The following USP48 variants were observed in gnomAD, a reference collection of about 807,000 sequenced individuals.
USP48 encodes ubiquitin carboxyl-terminal hydrolase 48.
A neutral mutation model predicts 150.7 loss-of-function variants in USP48; 43 were observed. The observed-to-expected ratio is 0.29, with a 90% CI of 0.22 to 0.37. The LOEUF (loss-of-function observed/expected upper bound fraction) is 0.37, where lower values mean the gene tolerates loss of function less well. USP48 is among the 10% of genes least tolerant of loss of function. The pLI is 1.00. For synonymous variants in USP48, 396 were observed against 425.9 expected (o/e 0.93, Z 0.86); for missense variants, 813 against 1,249.6 (o/e 0.65, Z 5.27).
chr1:21,706,650 TAC>T, intron 16 of USP48, 61 bp from the exon 17 acceptor site: 1 of 1,612,854 alleles, frequency 6.2e-7, no homozygotes, highest in Non-Finnish European at 8.5e-7. Context: ...GCCTCCTCCC[TAC>T]ACCCCCGTCA....
At chr1:21,727,892 T>C in intron 11 of USP48, 2 of 980,330 alleles carry the variant, frequency 2.0e-6, no homozygotes, top group South Asian at 9.4e-5. Flanking sequence ...GACTAAATTG[T>C]CTCTCTTCCT....
intron 1 of USP48, among the ~76,000 whole-genome samples, chr1:21,777,990 A>C (rs1436927890): frequency 6.6e-6 from 1 of 151,004 alleles, no homozygotes; most frequent in Non-Finnish European, 1.5e-5. Flanking sequence ...AAAAAAAAAA[A>C]AAATTAGCTA....
chr1:21,766,933 G>A (rs887215194), intron 1 of USP48, among the ~76,000 whole-genome samples: 1 of 152,004 alleles, frequency 6.6e-6, no homozygotes, highest in African/African-American at 2.4e-5. Flanking sequence ...GCGTGGTGGC[G>A]GGCATCTATA....
chr1:21,757,006 CA>C, intron 2 of USP48: 1 of 985,140 alleles, frequency 1.0e-6, no homozygotes. Flanking sequence ...CGGTTTTGAA[CA>C]AGCGTATATA....
chr1:21,681,456 T>C (rs1363585473), intron 25 of USP48, among the ~76,000 whole-genome samples: 1 of 152,028 alleles, frequency 6.6e-6, no homozygotes, highest in Admixed American at 6.5e-5. Flanking sequence ...GAGACAGGGT[T>C]TCACCACGTT....
At chr1:21,708,630 T>C (rs1470091018) in intron 15 of USP48, among the ~76,000 whole-genome samples, 2 of 150,636 alleles carry the variant, frequency 1.3e-5, no homozygotes, top group East Asian at 4.0e-4. Flanking sequence ...ACGCCTGTAA[T>C]CCCAGCACTT....
chr1:21,691,112 C>T (rs906437084), intron 23 of USP48, among the ~76,000 whole-genome samples: 2 of 151,964 alleles, frequency 1.3e-5, no homozygotes, highest in African/African-American at 4.8e-5. Flanking sequence ...GTCAGGAGTT[C>T]GAGACCAGCC....
intron 8 of USP48, among the ~76,000 whole-genome samples, chr1:21,737,958 C>A (rs1027543136): frequency 4.0e-5 from 6 of 151,898 alleles, no homozygotes; most frequent in Non-Finnish European, 7.4e-5. Flanking sequence ...GGTGCAGTGG[C>A]ACAATCATAG....
At chr1:21,781,612 T>C (rs962617472) in intron 1 of USP48, among the ~76,000 whole-genome samples, 1 of 152,100 alleles carries the variant, frequency 6.6e-6, no homozygotes, top group Non-Finnish European at 1.5e-5. Flanking sequence ...CCCGTGCCTC[T>C]AATCCCAGCT....
chr1:21,774,990 AAAATAAATAAATAAATAAAT>A (rs147019343), intron 1 of USP48, among the ~76,000 whole-genome samples: 32 of 146,148 alleles, frequency 2.2e-4, no homozygotes, highest in Admixed American at 4.9e-4. Context: ...GACTCTCTCA[AAAATAAATAAATAAATAAAT>A]AAATAAATAA....
At chr1:21,773,792 A>G (rs956724333) in intron 1 of USP48, among the ~76,000 whole-genome samples, 1 of 152,108 alleles carries the variant, frequency 6.6e-6, no homozygotes, top group Non-Finnish European at 1.5e-5. Context: ...CACGGGTTGT[A>G]TTATCAAAAA....
chr1:21,699,663 G>A (rs897169928), intron 22 of USP48, among the ~76,000 whole-genome samples: 6 of 151,624 alleles, frequency 4.0e-5, no homozygotes, highest in Admixed American at 1.3e-4. Flanking sequence ...ACAAGTGCCC[G>A]CCACCACGCC....
intron 10 of USP48, among the ~76,000 whole-genome samples, chr1:21,728,996 T>C (rs561379050): frequency 2.0e-5 from 3 of 152,190 alleles, no homozygotes; most frequent in South Asian, 2.1e-4. Context: ...TTAGAATAGA[T>C]GACGCCAGGC....
At chr1:21,778,042 C>G (rs987504682) in intron 1 of USP48, among the ~76,000 whole-genome samples, 5 of 149,670 alleles carry the variant, frequency 3.3e-5, no homozygotes, top group African/African-American at 1.2e-4. Flanking sequence ...ACTCGGGAGG[C>G]TGAGGCAGGA....
intron 22 of USP48, 60 bp from the exon 23 acceptor site, chr1:21,695,281 C>T: frequency 6.7e-7 from 1 of 1,492,668 alleles, no homozygotes; most frequent in Non-Finnish European, 8.9e-7. Flanking sequence ...GACCCTTGCT[C>T]ATGAAGTTTT....
At chr1:21,690,509 CT>C (rs1359452170) in intron 23 of USP48, among the ~76,000 whole-genome samples, 2 of 151,366 alleles carry the variant, frequency 1.3e-5, no homozygotes, top group Non-Finnish European at 3.0e-5. Flanking sequence ...CAAATTCTTT[CT>C]TTTTTCTTTT....
chr1:21,687,481 G>T (rs570948680), intron 24 of USP48, among the ~76,000 whole-genome samples: 5 of 152,310 alleles, frequency 3.3e-5, no homozygotes, highest in East Asian at 1.9e-4. Flanking sequence ...AGGCAGGGGG[G>T]ACTATTTTCC....
chr1:21,782,730 A>C, intron 1 of USP48, 94 bp downstream of exon 1: 1 of 1,410,764 alleles, frequency 7.1e-7, no homozygotes, highest in Non-Finnish European at 9.2e-7. Context: ...TCCCAAATGC[A>C]CGCAAAGGGC....
chr1:21,699,004 A>C (rs918018444), intron 22 of USP48, among the ~76,000 whole-genome samples: 1 of 152,132 alleles, frequency 6.6e-6, no homozygotes, highest in Non-Finnish European at 1.5e-5. Context: ...TGGAGTCCTG[A>C]ATCGGGATGG....
Sources: gnomAD v4.1 joint callset for allele counts (sites outside exome capture counted in the v4.1 genomes callset) on GRCh38, gnomAD v4.1.1 for gene constraint, MANE v1.5 for transcripts, NCBI Gene and HGNC (gene_info 2026-07-23, HGNC 2026-07-21) for gene names.